Variants in GRM7 observed in about 807,000 individuals in gnomAD.
The protein encoded by GRM7 is glutamate metabotropic receptor 7.
In GRM7, 35 loss-of-function variants were observed where a neutral mutation model predicts 84.5. The ratio of observed to expected loss-of-function variants is 0.41; its 90% CI spans 0.32 to 0.55. The LOEUF (loss-of-function observed/expected upper bound fraction) is 0.55. Among genes scored for constraint, GRM7 ranks in the 20% least tolerant of loss-of-function variants. The pLI, the probability that GRM7 is intolerant of heterozygous loss-of-function variation, is 0.19. For synonymous variants in GRM7, 487 were observed against 455.1 expected, an observed-to-expected ratio of 1.07 and a Z score of -0.89; for missense variants, 1,003 against 1,194.6, an observed-to-expected ratio of 0.84 and a Z score of 2.36.
intron 4 of GRM7, among the ~76,000 whole-genome samples, chr3:7,308,806 G>A (rs1700289575): frequency 6.6e-6 from 1 of 152,118 alleles, no homozygotes; most frequent in South Asian, 2.1e-4. Context: ...TAGACACAAT[G>A]CACATATTCC....
chr3:7,318,715 T>G (rs1700668335), intron 4 of GRM7, among the ~76,000 whole-genome samples: 1 of 152,074 alleles, frequency 6.6e-6, no homozygotes, highest in African/African-American at 2.4e-5. Flanking sequence ...TAATTGAAAT[T>G]TTAAAGTTAA....
intron 5 of GRM7, among the ~76,000 whole-genome samples, chr3:7,447,005 A>C (rs1156984707): frequency 6.6e-6 from 1 of 151,982 alleles, no homozygotes; most frequent in African/African-American, 2.4e-5. Flanking sequence ...AATTTATTCA[A>C]CAGAAGGTTA....
At chr3:7,120,398 A>C (rs1693177968) in intron 1 of GRM7, among the ~76,000 whole-genome samples, 1 of 152,106 alleles carries the variant, frequency 6.6e-6, no homozygotes, top group Non-Finnish European at 1.5e-5. Context: ...TCTCTATCAT[A>C]AGTACTGCCA....
intron 7 of GRM7, among the ~76,000 whole-genome samples, chr3:7,468,236 G>A (rs1015573244): frequency 6.6e-6 from 1 of 152,194 alleles, no homozygotes; most frequent in African/African-American, 2.4e-5. Context: ...AATATGTAAG[G>A]TGTCAAAATC....
At chr3:7,139,260 C>T (rs1396258503) in intron 1 of GRM7, among the ~76,000 whole-genome samples, 2 of 151,404 alleles carry the variant, frequency 1.3e-5, no homozygotes, top group African/African-American at 4.8e-5. Context: ...CGGTACTGAA[C>T]ACCTCAAAGA....
At chr3:7,130,215 C>A (rs568987729) in intron 1 of GRM7, among the ~76,000 whole-genome samples, 1 of 152,236 alleles carries the variant, frequency 6.6e-6, no homozygotes, top group Non-Finnish European at 1.5e-5. Context: ...GAACACAATT[C>A]CCAAGTCCAG....
At chr3:7,023,878 G>A (rs1193889995) in intron 1 of GRM7, among the ~76,000 whole-genome samples, 1 of 152,186 alleles carries the variant, frequency 6.6e-6, no homozygotes, top group Non-Finnish European at 1.5e-5. Context: ...CATCAGGAGA[G>A]GACTAAACAA....
At chr3:7,480,319 C>T (rs1000042812) in intron 7 of GRM7, among the ~76,000 whole-genome samples, 28 of 152,102 alleles carry the variant, frequency 1.8e-4, no homozygotes, top group African/African-American at 6.3e-4. Flanking sequence ...AGAGCAATGT[C>T]TTAGGAAAAA....
rs182056000 is a variant in GRM7, at chr3:7,457,564, G to T, written c.1376-4019G>T. 3.1e-3 allele frequency among the ~76,000 whole-genome samples: 471 copies of T among 152,258 alleles called. 2 individuals carry two copies. Among genetic ancestry groups the T allele is most frequent in the Middle Eastern group, 0.01 (3 of 294 alleles). ...GTTTCTAGAAAACAAATTGGAGTAG[G>T]TTATATTTTGTAGAGATGGCAGATC... On this transcript the variant is annotated intron_variant, in intron 6 of 9. Coordinates refer to ENST00000357716, the MANE Select transcript of GRM7 (RefSeq NM_000844.4).
At chr3:7,706,706 T>C (rs1324229555) in intron 9 of GRM7, among the ~76,000 whole-genome samples, 1 of 152,216 alleles carries the variant, frequency 6.6e-6, no homozygotes, top group African/African-American at 2.4e-5. Context: ...GGAAGCTCAC[T>C]GGGCCTCAGT....
At position 7,675,125 on chromosome 3, in the gene GRM7, T is replaced by G. The variant is rs117767576; in HGVS notation, c.2452-4924T>G. On this transcript the variant is annotated intron_variant, in intron 8 of 9. Coordinates refer to ENST00000357716, the MANE Select transcript of GRM7 (RefSeq NM_000844.4). Reference sequence around the variant, plus strand: ...TATTGTTACATCATTTTTATGGAATTATTAAAGACATCAATAGTAATAAGA... The same window carrying G: ...TATTGTTACATCATTTTTATGGAATGATTAAAGACATCAATAGTAATAAGA... Among the ~76,000 whole-genome samples, 715 of 152,350 alleles carry G rather than the reference T, an allele frequency of 4.7e-3. 18 individuals carry two copies. The East Asian group carries it at 0.092, about 20-fold the overall frequency.
At chr3:7,697,924 G>A (rs114575947) in intron 9 of GRM7, among the ~76,000 whole-genome samples, 3 of 152,226 alleles carry the variant, frequency 2.0e-5, no homozygotes, top group South Asian at 4.1e-4. Flanking sequence ...TTAAAACCAG[G>A]CTTCTTGTGT....
chr3:7,445,720 A>G (rs560538661), intron 5 of GRM7, among the ~76,000 whole-genome samples: 6 of 152,350 alleles, frequency 3.9e-5, no homozygotes, highest in South Asian at 4.1e-4. Flanking sequence ...GTCAACTTCA[A>G]TATAACACAG....
chr3:6,908,961 T>A (rs1056326534), intron 1 of GRM7, among the ~76,000 whole-genome samples: 1 of 152,122 alleles, frequency 6.6e-6, no homozygotes, highest in African/African-American at 2.4e-5. Context: ...AGACTTTAAA[T>A]TCATGATCGA....
chr3:7,470,389 A>C (rs1423003263), intron 7 of GRM7, among the ~76,000 whole-genome samples: 1 of 152,206 alleles, frequency 6.6e-6, no homozygotes, highest in African/African-American at 2.4e-5. Flanking sequence ...AGTAAAGAAA[A>C]TGCTTTTGTG....
At chr3:7,235,072 TA>T (rs1489587038) in intron 2 of GRM7, among the ~76,000 whole-genome samples, 1 of 152,128 alleles carries the variant, frequency 6.6e-6, no homozygotes, top group Non-Finnish European at 1.5e-5. Flanking sequence ...CTCATTAGAA[TA>T]AAAAAAGTAA....
At chr3:7,159,524 A>G (rs750496608) in intron 2 of GRM7, among the ~76,000 whole-genome samples, 1 of 152,190 alleles carries the variant, frequency 6.6e-6, no homozygotes, top group Non-Finnish European at 1.5e-5. Flanking sequence ...TAGATGTTCA[A>G]TACCTGTTAT....
intron 1 of GRM7, among the ~76,000 whole-genome samples, chr3:7,144,782 T>C (rs576020729): frequency 6.6e-6 from 1 of 152,300 alleles, no homozygotes; most frequent in Admixed American, 6.5e-5. Flanking sequence ...TACCAAATCC[T>C]ATTTTACTTG....
At chr3:7,310,822 C>A (rs756671796) in intron 4 of GRM7, among the ~76,000 whole-genome samples, 5 of 151,700 alleles carry the variant, frequency 3.3e-5, no homozygotes, top group Non-Finnish European at 4.4e-5. Context: ...CTGAGTTATA[C>A]CCTATCCAAG....
Sources: allele counts gnomAD v4.1 joint callset (sites outside exome capture counted in the v4.1 genomes callset), GRCh38; gene constraint gnomAD v4.1.1; transcripts MANE v1.5; gene names NCBI Gene and HGNC (gene_info 2026-07-23, HGNC 2026-07-21).